The following SUGCT variants were observed in gnomAD, a reference collection of about 807,000 sequenced individuals.
SUGCT encodes the protein succinyl-CoA:glutarate-CoA transferase.
A neutral mutation model predicts 55.0 loss-of-function variants in SUGCT; 41 were observed. The ratio of observed to expected loss-of-function variants is 0.74; its 90% CI spans 0.58 to 0.97. The LOEUF (loss-of-function observed/expected upper bound fraction) is 0.97. SUGCT is among the 50% of genes least tolerant of loss of function. SUGCT has a pLI of 0.00. For missense variants in SUGCT, 568 were observed against 547.8 expected (o/e 1.04, Z -0.37); for synonymous variants, 187 against 200.4 (o/e 0.93, Z 0.56).
At position 40,722,992 on chromosome 7, in the gene SUGCT, A is replaced by G. The variant is rs891262411; in HGVS notation, c.1090-26442A>G. On this transcript the variant is annotated intron_variant, in intron 12 of 13. Coordinates refer to ENST00000335693, the MANE Select transcript of SUGCT (RefSeq NM_001193313.2). ...AAGTAATTTGCTTCCGAGATCAGCT[A>G]GCTTGGAGTCCAAATACAGAAAGCA... 7.9e-5 allele frequency among the ~76,000 whole-genome samples: 12 copies of G among 152,210 alleles called. No homozygotes were observed. The East Asian group carries it at 2.3e-3, about 29-fold the overall frequency.
At chr7:40,868,949 C>G in the SUGCT span, among the ~76,000 whole-genome samples, 2 of 152,144 alleles carry the variant, frequency 1.3e-5, no homozygotes, top group Non-Finnish European at 2.9e-5. Context: ...GTACATTCAC[C>G]CAGTTTCTAC....
chr7:40,485,268 C>T (rs1791266091), intron 11 of SUGCT, among the ~76,000 whole-genome samples: 1 of 151,754 alleles, frequency 6.6e-6, no homozygotes, highest in African/African-American at 2.4e-5. Context: ...AACCTGACTG[C>T]CTGTGAATTT....
intron 13 of SUGCT, among the ~76,000 whole-genome samples, chr7:40,858,721 C>A: frequency 6.6e-6 from 1 of 152,154 alleles, no homozygotes; most frequent in East Asian, 1.9e-4. Flanking sequence ...TGATTTCTCT[C>A]TTACTGAAAA....
the SUGCT span, among the ~76,000 whole-genome samples, chr7:40,972,769 C>G: frequency 6.6e-6 from 1 of 152,154 alleles, no homozygotes; most frequent in Non-Finnish European, 1.5e-5. Context: ...TACCTCCCAA[C>G]AATAAGCATC....
Position 40,393,887 on chromosome 7 carries a change from G to A in SUGCT, c.817-55400G>A, listed in dbSNP as rs147606523. Among the ~76,000 whole-genome samples, 204 of 152,284 alleles carry A rather than the reference G, an allele frequency of 1.3e-3. No individual in the cohort carries two copies. In the Middle Eastern group the frequency reaches 0.017, roughly 13 times the overall value. ...GATAACTCTTGAAAATGAATGTGGTGAGACACAAAGAGAGTAGTAAGAGAT... is the reference window on the plus strand; with the variant it reads ...GATAACTCTTGAAAATGAATGTGGTAAGACACAAAGAGAGTAGTAAGAGAT... On this transcript the variant is annotated intron_variant, in intron 9 of 13. Coordinates refer to ENST00000335693, the MANE Select transcript of SUGCT (RefSeq NM_001193313.2).
At chr7:40,505,287 GT>G (rs150609449) in intron 12 of SUGCT, among the ~76,000 whole-genome samples, 4 of 151,292 alleles carry the variant, frequency 2.6e-5, no homozygotes, top group Non-Finnish European at 3.0e-5. Context: ...GGTGGATCCT[GT>G]TTTTTTTCTT....
At position 40,176,794 on chromosome 7, in the gene SUGCT, G is replaced by A. The variant is rs1356855138; in HGVS notation, c.101-4153G>A. ...TTGAGACCAGCCTGGCCAACATGGC[G>A]AAACCCCGTCTCTACTAAAAATACA... On this transcript the variant is annotated intron_variant, in intron 1 of 13. Coordinates refer to ENST00000335693, the MANE Select transcript of SUGCT (RefSeq NM_001193313.2). Among the ~76,000 whole-genome samples, 5 of 151,728 alleles carry A rather than the reference G, an allele frequency of 3.3e-5. No individual in the cohort carries two copies. In the South Asian group the frequency reaches 8.3e-4, roughly 25 times the overall value.
At chr7:40,962,146 A>G in the SUGCT span, among the ~76,000 whole-genome samples, 1 of 152,130 alleles carries the variant, frequency 6.6e-6, no homozygotes, top group Non-Finnish European at 1.5e-5. Flanking sequence ...CAGAGTGCTG[A>G]TTGGTGCATT....
intron 9 of SUGCT, among the ~76,000 whole-genome samples, chr7:40,377,497 C>T (rs1481338463): frequency 6.6e-6 from 1 of 151,806 alleles, no homozygotes; most frequent in Non-Finnish European, 1.5e-5. Context: ...CCTGCCTCGG[C>T]CTCCCAAAGT....
intron 13 of SUGCT, among the ~76,000 whole-genome samples, chr7:40,805,412 G>T (rs1791039933): frequency 6.6e-6 from 1 of 152,170 alleles, no homozygotes; most frequent in African/African-American, 2.4e-5. Flanking sequence ...TCCAAGGGCA[G>T]AATCTGGCTG....
intron 12 of SUGCT, among the ~76,000 whole-genome samples, chr7:40,651,184 G>A (rs1389167097): frequency 6.6e-6 from 1 of 152,140 alleles, no homozygotes; most frequent in Non-Finnish European, 1.5e-5. Flanking sequence ...ATGAAAATAT[G>A]TGTGCATGTA....
intron 10 of SUGCT, among the ~76,000 whole-genome samples, chr7:40,450,409 TTTC>T (rs1171706900): frequency 7.9e-5 from 12 of 151,838 alleles, no homozygotes; most frequent in Non-Finnish European, 1.8e-4. Flanking sequence ...TAAGGATTTT[TTTC>T]TTTTTTTTTT....
intron 13 of SUGCT, among the ~76,000 whole-genome samples, chr7:40,819,534 C>T (rs1156260934): frequency 1.3e-5 from 2 of 152,094 alleles, no homozygotes; most frequent in East Asian, 3.9e-4. Context: ...TTTCATGTGT[C>T]TTTTGGCTGC....
the SUGCT span, among the ~76,000 whole-genome samples, chr7:40,995,474 T>C: frequency 6.6e-6 from 1 of 151,854 alleles, no homozygotes; most frequent in Admixed American, 6.6e-5. Flanking sequence ...TTTACTATTA[T>C]ATCCTCTGCA....
chr7:40,386,877 G>C (rs1785156618), intron 9 of SUGCT, among the ~76,000 whole-genome samples: 2 of 152,148 alleles, frequency 1.3e-5, no homozygotes, highest in Non-Finnish European at 2.9e-5. Flanking sequence ...AGGTGCCACA[G>C]ACCAGCCCTT....
intron 9 of SUGCT, among the ~76,000 whole-genome samples, chr7:40,367,618 T>C (rs369341260): frequency 1.3e-5 from 2 of 152,202 alleles, no homozygotes; most frequent in East Asian, 1.9e-4. Flanking sequence ...CCAGAAATAG[T>C]AGGTAAGAGC....
At chr7:40,997,271 C>T in the SUGCT span, among the ~76,000 whole-genome samples, 1 of 152,204 alleles carries the variant, frequency 6.6e-6, no homozygotes, top group African/African-American at 2.4e-5. Context: ...TACTTCCTGT[C>T]CCATTCATAT....
downstream of SUGCT, among the ~76,000 whole-genome samples, chr7:40,862,899 G>A (rs532483516): frequency 2.0e-5 from 3 of 152,180 alleles, no homozygotes; most frequent in African/African-American, 7.2e-5. Context: ...GTGAGCGTGT[G>A]TTTGATCCAT....
chr7:40,986,835 AC>A, the SUGCT span, among the ~76,000 whole-genome samples: 5 of 152,136 alleles, frequency 3.3e-5, no homozygotes, highest in African/African-American at 1.2e-4. Context: ...TAACTGAACT[AC>A]CTTTCACCTT....
Sources: allele counts gnomAD v4.1 joint callset (sites outside exome capture counted in the v4.1 genomes callset), GRCh38; gene constraint gnomAD v4.1.1; transcripts MANE v1.5; gene names NCBI Gene and HGNC (gene_info 2026-07-23, HGNC 2026-07-21).